ZFHX3: variants seen among roughly 807,000 people sequenced by gnomAD.
ZFHX3 encodes the protein zinc finger homeobox 3, also known as zinc finger homeobox protein 3.
ZFHX3 carries 42 observed loss-of-function variants against 279.1 expected under a neutral mutation model. That is an observed-to-expected ratio of 0.15 (90% CI 0.12 to 0.19). The LOEUF (loss-of-function observed/expected upper bound fraction) is 0.19, where lower values mean the gene tolerates loss of function less well. Among genes scored for constraint, ZFHX3 ranks in the 10% least tolerant of loss-of-function variants. The pLI is 1.00. For missense variants in ZFHX3, 4,981 were observed against 4,754.0 expected (o/e 1.05, Z -1.40); for synonymous variants, 2,293 against 1,957.8 (o/e 1.17, Z -4.52).
intron 4 of ZFHX3, among the ~76,000 whole-genome samples, chr16:73,295,436 A>C (rs777190528): frequency 2.6e-5 from 4 of 152,196 alleles, no homozygotes; most frequent in South Asian, 2.1e-4. Flanking sequence ...GAATTTTTTA[A>C]AGGTTTAATT....
intron 5 of ZFHX3, among the ~76,000 whole-genome samples, chr16:73,154,994 C>T (rs546767493): frequency 4.6e-5 from 7 of 151,398 alleles, no homozygotes; most frequent in African/African-American, 9.7e-5. Context: ...GCCAACAAGG[C>T]GAAACCCCAT....
chr16:73,764,833 T>C (rs1038932444), intron 1 of ZFHX3, among the ~76,000 whole-genome samples: 1 of 152,146 alleles, frequency 6.6e-6, no homozygotes, highest in Non-Finnish European at 1.5e-5. Flanking sequence ...CCTAAATTCA[T>C]CTCCATCTCC....
At chr16:72,960,245 GAA>G in intron 1 of ZFHX3, 51 bp from the exon 2 acceptor site, 1 of 1,425,446 alleles carries the variant, frequency 7.0e-7, no homozygotes, top group Admixed American at 2.4e-5. Context: ...AAGAGAGAGA[GAA>G]AGGAAAGAGG....
At position 72,788,178 on chromosome 16, in the gene ZFHX3, TTGCTGGTAC is replaced by T. The variant is rs773487356; in HGVS notation, c.10089_10097del (p.Tyr3367_Gln3369del). The T allele has an allele frequency of 2.6e-5, 42 of 1,612,102 alleles. No homozygotes were observed. The highest frequency in any genetic ancestry group is 3.3e-4 in the Middle Eastern group (2 of 6,040). ...TTGCCTCCTGCAGACTCTGCTGGTA[TTGCTGGTAC>T]TGCTGCAGTAGGGAGCCTGGGGACA... On this transcript the variant is annotated inframe_deletion, in exon 10 of 10. Coordinates refer to ENST00000268489, the MANE Select transcript of ZFHX3 (RefSeq NM_006885.4).
intron 4 of ZFHX3, among the ~76,000 whole-genome samples, chr16:72,864,421 T>G (rs1703395138): frequency 1.3e-5 from 2 of 152,280 alleles, no homozygotes. Context: ...CAGTAGCAAC[T>G]CAGAGCGTCG....
chr16:73,002,567 G>T (rs1307237921), intron 1 of ZFHX3, among the ~76,000 whole-genome samples: 1 of 152,040 alleles, frequency 6.6e-6, no homozygotes, highest in Non-Finnish European at 1.5e-5. Context: ...AGCTAACTTG[G>T]GCAAAGGTGT....
chr16:73,008,860 C>T (rs1205793816), intron 1 of ZFHX3, among the ~76,000 whole-genome samples: 1 of 151,852 alleles, frequency 6.6e-6, no homozygotes, highest in African/African-American at 2.4e-5. Context: ...TCTAATTCTG[C>T]AATCTCCAAG....
chr16:73,657,064 A>G (rs1320293464), intron 2 of ZFHX3, among the ~76,000 whole-genome samples: 3 of 152,248 alleles, frequency 2.0e-5, no homozygotes. Flanking sequence ...TCCTTTGCTT[A>G]TTAGCATTTA....
Position 73,433,943 on chromosome 16 carries a change from CT to C in ZFHX3, c.-1291+22059del, listed in dbSNP as rs1215726930. On this transcript the variant is annotated intron_variant, in intron 3 of 17. Transcript: ENST00000641206. ...CCAGAGGGAGAAAGACTGGAAAAGCCTTCAGACCCCACAGGTGGCTTAGTTA... is the reference window on the plus strand; with the variant it reads ...CCAGAGGGAGAAAGACTGGAAAAGCCTCAGACCCCACAGGTGGCTTAGTTA... 3.3e-5 allele frequency among the ~76,000 whole-genome samples: 5 copies of C among 152,192 alleles called. No homozygotes were observed. The East Asian group carries it at 9.6e-4, about 29-fold the overall frequency.
chr16:72,904,419 T>TAAATAAAA (rs1479283893), intron 3 of ZFHX3, among the ~76,000 whole-genome samples: 3 of 139,082 alleles, frequency 2.2e-5, no homozygotes, highest in East Asian at 2.0e-4. Context: ...AATAAATAAA[T>TAAATAAAA]AAAAATTGTG....
rs1299179096 is a variant in ZFHX3, at chr16:73,370,921, C to A, written c.-1290-52585G>T. ...CTGTGATGGATGTATGGGTGGCTGA[C>A]AACCAAGAGGTGCAAGATGCTTGGG... On this transcript the variant is annotated intron_variant, in intron 3 of 17. Transcript: ENST00000641206. 2.0e-5 allele frequency among the ~76,000 whole-genome samples: 3 copies of A among 152,270 alleles called. No homozygotes were observed. In the East Asian group the frequency reaches 5.8e-4, roughly 29 times the overall value.
At chr16:73,574,351 C>CG (rs977545079) in intron 2 of ZFHX3, among the ~76,000 whole-genome samples, 13 of 152,090 alleles carry the variant, frequency 8.5e-5, no homozygotes, top group African/African-American at 3.1e-4. Context: ...TTGGGCCCCC[C>CG]CCAGCATCCA....
intron 3 of ZFHX3, among the ~76,000 whole-genome samples, chr16:72,895,561 C>A (rs577692482): frequency 6.6e-6 from 1 of 152,360 alleles, no homozygotes; most frequent in South Asian, 2.1e-4. Context: ...TGGTGGCTCA[C>A]GCCTGTAATC....
intron 5 of ZFHX3, among the ~76,000 whole-genome samples, chr16:73,243,141 C>A (rs969454769): frequency 2.6e-5 from 4 of 152,222 alleles, no homozygotes; most frequent in African/African-American, 9.7e-5. Context: ...ACAGCTCAGG[C>A]TGGCTCACCT....
At chr16:73,463,129 T>C (rs569116328) in intron 2 of ZFHX3, among the ~76,000 whole-genome samples, 1 of 152,348 alleles carries the variant, frequency 6.6e-6, no homozygotes, top group East Asian at 1.9e-4. Flanking sequence ...ATAATACTCA[T>C]AGTTTCTGCT....
At chr16:73,178,325 G>A (rs1363174722) in intron 5 of ZFHX3, among the ~76,000 whole-genome samples, 1 of 152,052 alleles carries the variant, frequency 6.6e-6, no homozygotes, top group Non-Finnish European at 1.5e-5. Context: ...TTTTAGTAGA[G>A]ATGGGGTTTG....
chr16:73,818,302 A>C (rs1960635695), intron 1 of ZFHX3, among the ~76,000 whole-genome samples: 1 of 152,218 alleles, frequency 6.6e-6, no homozygotes, highest in Admixed American at 6.5e-5. Context: ...AAAAAGGGAA[A>C]ACCTGGCAAT....
chr16:73,393,931 GAT>G (rs72131136), intron 3 of ZFHX3, among the ~76,000 whole-genome samples: 4,783 of 145,516 alleles, frequency 0.033, 203 homozygotes, highest in African/African-American at 0.094. Flanking sequence ...ATATATATAA[GAT>G]ATATATAAAA....
intron 5 of ZFHX3, among the ~76,000 whole-genome samples, chr16:73,174,248 G>A (rs1436652285): frequency 1.3e-5 from 2 of 150,280 alleles, no homozygotes; most frequent in Non-Finnish European, 2.9e-5. Context: ...AGGAATGGGT[G>A]GTGTGTGTGT....
Sources: gnomAD v4.1 joint callset for allele counts (sites outside exome capture counted in the v4.1 genomes callset) on GRCh38, gnomAD v4.1.1 for gene constraint, MANE v1.5 for transcripts, NCBI Gene and HGNC (gene_info 2026-07-23, HGNC 2026-07-21) for gene names.